The following DENND1B variants were observed in gnomAD, a reference collection of about 807,000 sequenced individuals.
The protein encoded by DENND1B is DENN domain-containing protein 1B.
Under a neutral mutation model 90.1 loss-of-function variants are expected in DENND1B, and 59 were observed. The observed-to-expected ratio is 0.65, with a 90% CI of 0.53 to 0.81. The LOEUF (loss-of-function observed/expected upper bound fraction) is 0.81, where lower values mean the gene tolerates loss of function less well. Ranked by LOEUF, DENND1B falls within the 40% of genes least tolerant of loss-of-function variation. DENND1B has a pLI of 0.00. For synonymous variants in DENND1B, 337 were observed against 324.6 expected (o/e 1.04, Z -0.41); for missense variants, 862 against 912.6 (o/e 0.94, Z 0.71).
intron 10 of DENND1B, among the ~76,000 whole-genome samples, chr1:197,633,651 A>C (rs1365264038): frequency 6.6e-6 from 1 of 152,102 alleles, no homozygotes; most frequent in Non-Finnish European, 1.5e-5. Flanking sequence ...TCCTGCAGGT[A>C]CTGGCAGCCA....
chr1:197,528,630 G>C (rs1313542770), intron 20 of DENND1B, among the ~76,000 whole-genome samples: 2 of 152,170 alleles, frequency 1.3e-5, no homozygotes, highest in African/African-American at 4.8e-5. Flanking sequence ...GGAGGCCGAG[G>C]CGGGCGGATC....
At chr1:197,638,560 C>G (rs918136815) in intron 10 of DENND1B, among the ~76,000 whole-genome samples, 1 of 152,174 alleles carries the variant, frequency 6.6e-6, no homozygotes, top group Non-Finnish European at 1.5e-5. Flanking sequence ...AGGCATATGA[C>G]AAGGCTTCAT....
chr1:197,630,824 T>C (rs1679257679), intron 10 of DENND1B, among the ~76,000 whole-genome samples: 1 of 152,104 alleles, frequency 6.6e-6, no homozygotes, highest in Non-Finnish European at 1.5e-5. Context: ...TGCCAGACAT[T>C]ATTATTAGTG....
chr1:197,640,277 A>G (rs906013838), intron 10 of DENND1B, among the ~76,000 whole-genome samples: 3 of 152,114 alleles, frequency 2.0e-5, no homozygotes, highest in African/African-American at 7.2e-5. Context: ...GTTCGAGACC[A>G]GCCTGACCAA....
At chr1:197,676,379 T>C (rs1656077535) in intron 3 of DENND1B, among the ~76,000 whole-genome samples, 1 of 152,082 alleles carries the variant, frequency 6.6e-6, no homozygotes, top group Non-Finnish European at 1.5e-5. Flanking sequence ...AAAGTGTGTG[T>C]GAAGGCTGGT....
At chr1:197,692,951 G>T (rs1372633349) in intron 3 of DENND1B, among the ~76,000 whole-genome samples, 2 of 151,496 alleles carry the variant, frequency 1.3e-5, no homozygotes, top group Non-Finnish European at 3.0e-5. Flanking sequence ...ATTCCTATTA[G>T]AATACCTGGC....
rs1484891184 is a variant in DENND1B, at chr1:197,553,066, G to A, written c.1196C>T (p.Ser399Phe). The change falls in exon 16 of 23, where the codon TCT (serine) becomes TTT (phenylalanine). Residue 399 changes from serine to phenylalanine, a missense_variant. Coordinates refer to ENST00000620048, the MANE Select transcript of DENND1B (RefSeq NM_001195215.2). ...LAKLNAGRGF[S>F]DVFEEEITSG... is the part of the protein sequence containing the mutation. The stretch of plus-strand genomic sequence containing the variant: ...AGTGATCTCTTCTTCAAATACATCA[G>A]AGAAACCCCTTCCTGCATTTAGTTT... 3.2e-6 allele frequency: 5 copies of A among 1,558,070 alleles called. No individual in the cohort carries two copies. In the South Asian group the frequency reaches 3.7e-5, roughly 12 times the overall value.
At chr1:197,693,168 T>C (rs1658079827) in intron 3 of DENND1B, among the ~76,000 whole-genome samples, 1 of 151,688 alleles carries the variant, frequency 6.6e-6, no homozygotes, top group African/African-American at 2.4e-5. Context: ...GACCACTAGA[T>C]TGCATTGTTG....
intron 3 of DENND1B, among the ~76,000 whole-genome samples, chr1:197,703,915 C>G (rs916790322): frequency 6.6e-6 from 1 of 152,074 alleles, no homozygotes. Context: ...CAAACTCATC[C>G]TCTCTTCTTT....
chr1:197,647,821 G>A (rs763949195), intron 7 of DENND1B, among the ~76,000 whole-genome samples: 5 of 151,698 alleles, frequency 3.3e-5, no homozygotes, highest in African/African-American at 7.3e-5. Flanking sequence ...GGTGGTGGGC[G>A]CCTGTAATTC....
chr1:197,538,175 G>A (rs1038160944), intron 20 of DENND1B, among the ~76,000 whole-genome samples: 2 of 151,914 alleles, frequency 1.3e-5, no homozygotes, highest in South Asian at 4.2e-4. Flanking sequence ...TCTCATATTC[G>A]TTTTCACAGA....
intron 14 of DENND1B, among the ~76,000 whole-genome samples, chr1:197,583,554 A>G (rs1342663867): frequency 1.3e-5 from 2 of 152,226 alleles, no homozygotes; most frequent in African/African-American, 4.8e-5. Context: ...AGTATTAAAC[A>G]TAGCACACAT....
chr1:197,614,031 CT>C (rs34399290), intron 11 of DENND1B, among the ~76,000 whole-genome samples: 2,392 of 137,000 alleles, frequency 0.017, 29 homozygotes, highest in African/African-American at 0.045. Flanking sequence ...TCTAGGAAAA[CT>C]TTTTTTTTTT....
At chr1:197,554,832 C>CAAAAAAAA (rs11440581) in intron 15 of DENND1B, among the ~76,000 whole-genome samples, 5 of 69,382 alleles carry the variant, frequency 7.2e-5, no homozygotes, top group African/African-American at 2.6e-4. Context: ...GACTCCATCT[C>CAAAAAAAA]AAAAAAAAAA....
intron 20 of DENND1B, among the ~76,000 whole-genome samples, chr1:197,528,366 T>C (rs1408487538): frequency 1.3e-5 from 2 of 152,152 alleles, no homozygotes; most frequent in African/African-American, 4.8e-5. Context: ...TCTGAGCATA[T>C]TTTAAAATAT....
intron 14 of DENND1B, among the ~76,000 whole-genome samples, chr1:197,586,513 AT>A: frequency 6.6e-6 from 1 of 152,326 alleles, no homozygotes; most frequent in South Asian, 2.1e-4. Context: ...AACCACTGAT[AT>A]CGACAGTAAC....
intron 20 of DENND1B, among the ~76,000 whole-genome samples, chr1:197,516,090 T>C (rs1421530768): frequency 6.6e-6 from 1 of 151,846 alleles, no homozygotes; most frequent in African/African-American, 2.4e-5. Context: ...ACAAGCATTC[T>C]ATCCATTTCT....
chr1:197,750,570 CTAGATAGATAGATAGA>C (rs57505824), intron 2 of DENND1B, among the ~76,000 whole-genome samples: 37 of 149,238 alleles, frequency 2.5e-4, no homozygotes, highest in Middle Eastern at 3.5e-3. Context: ...AAAAGCAAAC[CTAGATAGATAGATAGA>C]TAGATAGATA....
intron 14 of DENND1B, among the ~76,000 whole-genome samples, chr1:197,584,029 T>C (rs760710081): frequency 7.9e-5 from 12 of 152,196 alleles, no homozygotes; most frequent in Non-Finnish European, 1.5e-4. Context: ...CTAAACTTTA[T>C]GACAAAAATG....
Sources: gnomAD v4.1 joint callset for allele counts (sites outside exome capture counted in the v4.1 genomes callset) on GRCh38, gnomAD v4.1.1 for gene constraint, MANE v1.5 for transcripts, NCBI Gene and HGNC (gene_info 2026-07-23, HGNC 2026-07-21) for gene names.